SARNP: variants seen among roughly 807,000 people sequenced by gnomAD.
SARNP encodes SAP domain-containing ribonucleoprotein.
SARNP carries 5 observed loss-of-function variants against 38.1 expected under a neutral mutation model. The ratio of observed to expected loss-of-function variants is 0.13; its 90% CI spans 0.07 to 0.28. SARNP has a LOEUF of 0.28. Ranked by LOEUF, SARNP falls within the 10% of genes least tolerant of loss-of-function variation. The pLI, the probability that SARNP is intolerant of heterozygous loss-of-function variation, is 1.00. For synonymous variants in SARNP, 84 were observed against 80.6 expected (o/e 1.04, Z -0.23); for missense variants, 180 against 243.9 (o/e 0.74, Z 1.75).
At chr12:55,796,192 C>G in intron 4 of SARNP, 116 bp from the exon 5 acceptor site, 1 of 684,360 alleles carries the variant, frequency 1.5e-6, no homozygotes, top group Admixed American at 2.5e-5. Flanking sequence ...TCTCTGCCAC[C>G]CCCTAAGCCA....
rs541293325 is a variant in SARNP at position 55,805,110 on chromosome 12, A to C, written c.37-1382T>G. Among the ~76,000 whole-genome samples, 4 of 152,184 alleles carry C rather than the reference A, an allele frequency of 2.6e-5. No homozygotes were observed. The East Asian group carries it at 7.7e-4, about 29-fold the overall frequency. On this transcript the variant is annotated intron_variant, in intron 1 of 10. Coordinates refer to ENST00000336133, the MANE Select transcript of SARNP (RefSeq NM_033082.4). ...AACCCCGTCTCTACTAAAAATACAAAAATTAGCCAGGCGTGGTGGCAGGCG... is the reference window on the plus strand; with the variant it reads ...AACCCCGTCTCTACTAAAAATACAACAATTAGCCAGGCGTGGTGGCAGGCG...
At chr12:55,768,229 G>A (rs184578022) in intron 9 of SARNP, among the ~76,000 whole-genome samples, 1 of 152,048 alleles carries the variant, frequency 6.6e-6, no homozygotes, top group Non-Finnish European at 1.5e-5. Flanking sequence ...GGGTTCAGGC[G>A]ATTCTCCTGC....
intron 9 of SARNP, among the ~76,000 whole-genome samples, chr12:55,767,117 AG>A (rs1592557108): frequency 6.6e-6 from 1 of 152,252 alleles, no homozygotes; most frequent in South Asian, 2.1e-4. Flanking sequence ...CTTTGCACAC[AG>A]GAACTATAAA....
chr12:55,804,742 C>T (rs1277819076), intron 1 of SARNP, among the ~76,000 whole-genome samples: 1 of 152,052 alleles, frequency 6.6e-6, no homozygotes, highest in Non-Finnish European at 1.5e-5. Flanking sequence ...GGAGAACAAG[C>T]AGGAAAGAAA....
chr12:55,753,904 G>C (rs1878420829), downstream of SARNP: 1 of 152,060 alleles, frequency 6.6e-6, no homozygotes, highest in African/African-American at 2.4e-5. Context: ...CTATAATTGG[G>C]CCTGTAAATA....
intron 9 of SARNP, among the ~76,000 whole-genome samples, chr12:55,779,385 GAA>G (rs919533809): frequency 1.3e-5 from 2 of 152,180 alleles, no homozygotes; most frequent in African/African-American, 4.8e-5. Context: ...GGCTGTATGA[GAA>G]AGAGAAATGG....
intron 3 of SARNP, 61 bp downstream of exon 3, chr12:55,800,793 A>G: frequency 1.2e-5 from 17 of 1,449,416 alleles, no homozygotes; most frequent in Non-Finnish European, 1.7e-5. Context: ...ACTGATGTTA[A>G]AGCAATGTGG....
At chr12:55,753,403 C>G (rs753638581), downstream of SARNP, 1 of 152,142 alleles carries the variant, frequency 6.6e-6, no homozygotes, top group African/African-American at 2.4e-5. Context: ...TTCCCATGTA[C>G]CTAGAGCACA....
chr12:55,788,653 G>A (rs1879576085), intron 9 of SARNP, among the ~76,000 whole-genome samples: 1 of 152,088 alleles, frequency 6.6e-6, no homozygotes. Context: ...AAAAAAATTA[G>A]CTGGGCATGG....
chr12:55,802,346 A>C (rs761082463), intron 2 of SARNP, among the ~76,000 whole-genome samples: 1 of 152,038 alleles, frequency 6.6e-6, no homozygotes, highest in Non-Finnish European at 1.5e-5. Flanking sequence ...TATACTATAT[A>C]CTATTAGTAT....
chr12:55,813,670 G>A (rs565708065), intron 1 of SARNP, among the ~76,000 whole-genome samples: 1 of 147,428 alleles, frequency 6.8e-6, no homozygotes, highest in Admixed American at 7.0e-5. Flanking sequence ...TCAGCCCCCC[G>A]AGTAGCTGGG....
At chr12:55,795,874 G>A (rs775865575) in intron 5 of SARNP, 151 bp downstream of exon 5, 4 of 571,584 alleles carry the variant, frequency 7.0e-6, no homozygotes, top group African/African-American at 5.7e-5. Context: ...ATTTTCCAAA[G>A]AGTAGCTGGC....
intron 9 of SARNP, among the ~76,000 whole-genome samples, chr12:55,771,439 G>T (rs1472596835): frequency 6.6e-6 from 1 of 152,162 alleles, no homozygotes; most frequent in African/African-American, 2.4e-5. Context: ...GCGACCAAAA[G>T]AATTAACCAA....
rs190619442 is a variant in SARNP at position 55,771,127 on chromosome 12, T to C, written c.502-10487A>G. 4.9e-3 allele frequency among the ~76,000 whole-genome samples: 741 copies of C among 152,060 alleles called. 5 individuals carry two copies. The highest frequency in any genetic ancestry group is 5.0e-3 in the South Asian group (24 of 4,804). On this transcript the variant is annotated intron_variant, in intron 9 of 10. Coordinates refer to ENST00000336133, the MANE Select transcript of SARNP (RefSeq NM_033082.4). Reference sequence around the variant, plus strand: ...TGTTTTTTGTTTGTTTGTTTGTTTGTTTGTATTTTTAGTAGAAACGGGGTT... The same window carrying C: ...TGTTTTTTGTTTGTTTGTTTGTTTGCTTGTATTTTTAGTAGAAACGGGGTT...
intron 9 of SARNP, among the ~76,000 whole-genome samples, chr12:55,762,881 C>T (rs1878717807): frequency 6.6e-6 from 1 of 152,198 alleles, no homozygotes; most frequent in Non-Finnish European, 1.5e-5. Flanking sequence ...TGTCTGAACA[C>T]AGCAGGCAGG....
chr12:55,812,810 C>T (rs1310400880), intron 1 of SARNP, among the ~76,000 whole-genome samples: 4 of 152,196 alleles, frequency 2.6e-5, no homozygotes, highest in Non-Finnish European at 5.9e-5. Context: ...CTCAACAAAT[C>T]GTTATTGAGC....
chr12:55,777,152 A>T (rs750539277), intron 9 of SARNP, among the ~76,000 whole-genome samples: 22 of 152,212 alleles, frequency 1.4e-4, no homozygotes, highest in Non-Finnish European at 2.8e-4. Flanking sequence ...GAAGTTCTTC[A>T]GGTGCAAATT....
intron 9 of SARNP, among the ~76,000 whole-genome samples, chr12:55,765,623 C>T (rs1029243438): frequency 6.6e-6 from 1 of 151,956 alleles, no homozygotes; most frequent in Non-Finnish European, 1.5e-5. Context: ...GGATTACAGG[C>T]ATGAGCCACC....
At chr12:55,765,532 A>AC (rs1878803893) in intron 9 of SARNP, among the ~76,000 whole-genome samples, 1 of 150,510 alleles carries the variant, frequency 6.6e-6, no homozygotes, top group African/African-American at 2.5e-5. Flanking sequence ...TTTAATAGAG[A>AC]CAGGGTCTTG....
Sources: allele counts gnomAD v4.1 joint callset (sites outside exome capture counted in the v4.1 genomes callset), GRCh38; gene constraint gnomAD v4.1.1; transcripts MANE v1.5; gene names NCBI Gene and HGNC (gene_info 2026-07-23, HGNC 2026-07-21).